ATG7: variants seen among roughly 807,000 people sequenced by gnomAD.
The protein encoded by ATG7 is autophagy related 7, also known as ubiquitin-like modifier-activating enzyme ATG7.
In ATG7, 70 loss-of-function variants were observed where a neutral mutation model predicts 82.4. That is an observed-to-expected ratio of 0.85 (90% CI 0.70 to 1.04). The LOEUF (loss-of-function observed/expected upper bound fraction) is 1.04, where lower values mean the gene tolerates loss of function less well. ATG7 is among the 50% of genes least tolerant of loss of function. The pLI, the probability that ATG7 is intolerant of heterozygous loss-of-function variation, is 0.00. For synonymous variants in ATG7, 287 were observed against 313.0 expected, an observed-to-expected ratio of 0.92 and a Z score of 0.88; for missense variants, 792 against 864.3, an observed-to-expected ratio of 0.92 and a Z score of 1.05.
intron 20 of ATG7, among the ~76,000 whole-genome samples, chr3:11,465,046 G>GA (rs1015590802): frequency 2.6e-3 from 110 of 41,750 alleles, no homozygotes; most frequent in Non-Finnish European, 2.4e-3. Flanking sequence ...GGCTGTAAAG[G>GA]AAAAATTTTT....
At chr3:11,416,896 T>C (rs1373902671) in intron 19 of ATG7, among the ~76,000 whole-genome samples, 1 of 152,216 alleles carries the variant, frequency 6.6e-6, no homozygotes, top group African/African-American at 2.4e-5. Context: ...TGATACATTG[T>C]GTTTTCATTT....
At chr3:11,517,431 A>T (rs2092314987) in intron 20 of ATG7, among the ~76,000 whole-genome samples, 1 of 152,144 alleles carries the variant, frequency 6.6e-6, no homozygotes, top group Non-Finnish European at 1.5e-5. Flanking sequence ...GAGGATGAAT[A>T]GGTAATGCAC....
intron 19 of ATG7, among the ~76,000 whole-genome samples, chr3:11,388,134 C>T (rs756662641): frequency 1.4e-4 from 21 of 152,276 alleles, no homozygotes; most frequent in Non-Finnish European, 2.6e-4. Context: ...CCAGTCCCAC[C>T]ATGGCTGCCC....
At chr3:11,492,856 A>G (rs550784510) in intron 20 of ATG7, among the ~76,000 whole-genome samples, 56 of 152,372 alleles carry the variant, frequency 3.7e-4, no homozygotes, top group African/African-American at 1.3e-3. Flanking sequence ...AACTTTGTGC[A>G]GACCCCACGG....
chr3:11,306,594 A>G (rs1222911320), intron 5 of ATG7, among the ~76,000 whole-genome samples: 1 of 152,196 alleles, frequency 6.6e-6, no homozygotes, highest in Non-Finnish European at 1.5e-5. Flanking sequence ...AATGGGGGAA[A>G]AGAGCTGTTA....
At chr3:11,288,421 G>A (rs1452788547) in intron 3 of ATG7, among the ~76,000 whole-genome samples, 2 of 152,212 alleles carry the variant, frequency 1.3e-5, no homozygotes, top group East Asian at 3.8e-4. Context: ...AAGACATGGT[G>A]CTTGTTTCAA....
intron 20 of ATG7, among the ~76,000 whole-genome samples, chr3:11,457,129 T>C (rs1017123911): frequency 4.6e-5 from 7 of 152,302 alleles, no homozygotes; most frequent in Admixed American, 3.3e-4. Context: ...TTTTCTCCCT[T>C]GATCAGACCC....
intron 20 of ATG7, among the ~76,000 whole-genome samples, chr3:11,527,990 T>C (rs956631707): frequency 6.6e-6 from 1 of 152,238 alleles, no homozygotes; most frequent in Non-Finnish European, 1.5e-5. Context: ...CCTGTCATCT[T>C]GAATCATTAA....
At chr3:11,288,371 A>G (rs1198808307) in intron 3 of ATG7, among the ~76,000 whole-genome samples, 2 of 152,194 alleles carry the variant, frequency 1.3e-5, no homozygotes, top group East Asian at 3.9e-4. Flanking sequence ...AGCTCTTAAT[A>G]TGATCCAGGC....
At chr3:11,559,828 C>T (rs1227659759), downstream of ATG7, among the ~76,000 whole-genome samples, 2 of 152,188 alleles carry the variant, frequency 1.3e-5, no homozygotes, top group African/African-American at 4.8e-5. Flanking sequence ...CAGAGCCCTT[C>T]CCATCATGTC....
chr3:11,546,978 T>C (rs1392658013), intron 20 of ATG7, among the ~76,000 whole-genome samples: 1 of 152,220 alleles, frequency 6.6e-6, no homozygotes, highest in Non-Finnish European at 1.5e-5. Flanking sequence ...AGGTGGGGAC[T>C]TGGGAGCCAG....
chr3:11,469,494 C>T (rs1050254002), intron 20 of ATG7, among the ~76,000 whole-genome samples: 3 of 152,054 alleles, frequency 2.0e-5, no homozygotes, highest in African/African-American at 7.2e-5. Flanking sequence ...ACAAACCTAC[C>T]TATTAGTCCA....
intron 20 of ATG7, among the ~76,000 whole-genome samples, chr3:11,439,372 G>A (rs1366483013): frequency 2.6e-5 from 4 of 152,140 alleles, no homozygotes; most frequent in Non-Finnish European, 5.9e-5. Flanking sequence ...CCGGGCCTGA[G>A]CTCTTAGTCT....
chr3:11,376,943 G>A (rs1470116991), intron 18 of ATG7, among the ~76,000 whole-genome samples: 2 of 152,116 alleles, frequency 1.3e-5, no homozygotes, highest in Non-Finnish European at 1.5e-5. Flanking sequence ...GTTTCACCGT[G>A]TTAGCCAGGA....
intron 14 of ATG7, among the ~76,000 whole-genome samples, chr3:11,356,957 T>G (rs1012957082): frequency 6.6e-6 from 1 of 152,214 alleles, no homozygotes; most frequent in Non-Finnish European, 1.5e-5. Flanking sequence ...TGCTTGCCAC[T>G]CTTTTTTACA....
chr3:11,353,230 T>C (rs910292946), intron 14 of ATG7, among the ~76,000 whole-genome samples: 1 of 151,788 alleles, frequency 6.6e-6, no homozygotes, highest in Non-Finnish European at 1.5e-5. Flanking sequence ...GATCACGAGG[T>C]CAAGAGATCG....
intron 20 of ATG7, among the ~76,000 whole-genome samples, chr3:11,442,510 T>A (rs1203710483): frequency 6.6e-6 from 1 of 151,988 alleles, no homozygotes; most frequent in Non-Finnish European, 1.5e-5. Flanking sequence ...CTTTAAACAA[T>A]CATTAGCCAT....
intron 19 of ATG7, among the ~76,000 whole-genome samples, chr3:11,386,720 C>T (rs1331076850): frequency 6.6e-6 from 1 of 152,298 alleles, no homozygotes; most frequent in South Asian, 2.1e-4. Flanking sequence ...ATTTACCCAG[C>T]AAGGCCTCAA....
chr3:11,498,656 G>A (rs1018641382), intron 20 of ATG7, among the ~76,000 whole-genome samples: 2 of 152,146 alleles, frequency 1.3e-5, no homozygotes, highest in South Asian at 2.1e-4. Context: ...GTGAGGCCAG[G>A]TGTCCTCACT....
Sources: allele counts gnomAD v4.1 joint callset (sites outside exome capture counted in the v4.1 genomes callset), GRCh38; gene constraint gnomAD v4.1.1; transcripts MANE v1.5; gene names NCBI Gene and HGNC (gene_info 2026-07-23, HGNC 2026-07-21).